The following EEIG1 variants were observed in gnomAD, a reference collection of about 807,000 sequenced individuals.
The protein encoded by EEIG1 is estrogen-induced osteoclastogenesis regulator 1.
chr9:127,943,043 T>C, the EEIG1 span: 3 of 718,104 alleles, frequency 4.2e-6, no homozygotes, highest in East Asian at 2.7e-5. Flanking sequence ...AATGGAATGA[T>C]GCTACGGGGA....
chr9:127,978,320 C>T, the EEIG1 span, among the ~76,000 whole-genome samples: 10 of 152,152 alleles, frequency 6.6e-5, no homozygotes, highest in East Asian at 1.9e-4. Flanking sequence ...CAGACTCCTT[C>T]GAGGTCCCTG....
chr9:127,945,720 C>A, the EEIG1 span: 1 of 1,585,136 alleles, frequency 6.3e-7, no homozygotes, highest in Non-Finnish European at 8.6e-7. The surrounding 1 kb of genome is among the most constrained non-coding windows in gnomAD (Gnocchi z 6.5). Flanking sequence ...CTCCTCAGGG[C>A]TGGACAGGTT....
chr9:127,962,368 A>T, the EEIG1 span, among the ~76,000 whole-genome samples: 2 of 152,198 alleles, frequency 1.3e-5, no homozygotes, highest in African/African-American at 4.8e-5. Context: ...CTTGAACAGA[A>T]AGTATCCATT....
chr9:127,980,005 T>A, the EEIG1 span: 1 of 1,612,622 alleles, frequency 6.2e-7, no homozygotes, highest in South Asian at 1.1e-5. Context: ...GACGACAAGC[T>A]GACAAAATCC....
the EEIG1 span, chr9:127,945,346 G>C: frequency 6.4e-7 from 1 of 1,554,058 alleles, no homozygotes; most frequent in East Asian, 2.3e-5. The surrounding 1 kb of genome is among the most constrained non-coding windows in gnomAD (Gnocchi z 6.5). Context: ...TCTCCAGGGG[G>C]CACCAAGCAG....
At chr9:127,961,222 C>A in the EEIG1 span, among the ~76,000 whole-genome samples, 1 of 152,112 alleles carries the variant, frequency 6.6e-6, no homozygotes, top group Admixed American at 6.5e-5. Flanking sequence ...AGGGCCCACA[C>A]TGCCTCCCCC....
At chr9:127,943,373 G>T in the EEIG1 span, 1 of 797,148 alleles carries the variant, frequency 1.3e-6, no homozygotes, top group Non-Finnish European at 2.1e-6. Flanking sequence ...CTAAAACCGT[G>T]CCCCAGCGAT....
the EEIG1 span, chr9:127,944,583 GC>G: frequency 7.9e-7 from 1 of 1,259,844 alleles, no homozygotes; most frequent in Non-Finnish European, 1.2e-6. Context: ...AGCCCCAGCC[GC>G]CCCGACGACC....
the EEIG1 span, among the ~76,000 whole-genome samples, chr9:127,973,316 T>C: frequency 1.3e-5 from 2 of 152,096 alleles, no homozygotes; most frequent in South Asian, 4.1e-4. The surrounding 1 kb of genome is among the most constrained non-coding windows in gnomAD (Gnocchi z 4.2). Flanking sequence ...TCCCAGGTAC[T>C]GAACAAGCAG....
chr9:127,945,610 AG>A, the EEIG1 span: 1 of 1,563,948 alleles, frequency 6.4e-7, no homozygotes, highest in Admixed American at 1.9e-5. This position sits in a 1 kb window ranked among gnomAD's most constrained non-coding sequence, Gnocchi z 6.5. Flanking sequence ...ATCCCGAGGA[AG>A]GAGGAGGCCA....
chr9:127,943,272 G>A, the EEIG1 span: 29 of 1,608,540 alleles, frequency 1.8e-5, 1 homozygote, highest in South Asian at 2.5e-4. Context: ...TGTCCCCCTC[G>A]ATACCCCATT....
the EEIG1 span, among the ~76,000 whole-genome samples, chr9:127,951,182 C>G: frequency 2.6e-5 from 4 of 152,228 alleles, no homozygotes; most frequent in South Asian, 8.3e-4. Flanking sequence ...TCTGCTAGAC[C>G]TGGAGGGGAA....
chr9:127,962,090 G>C, the EEIG1 span, among the ~76,000 whole-genome samples: 4 of 152,216 alleles, frequency 2.6e-5, no homozygotes, highest in Non-Finnish European at 1.5e-5. Flanking sequence ...GGAGGGGAGG[G>C]AGGGCAAGCT....
At chr9:127,951,677 C>T in the EEIG1 span, among the ~76,000 whole-genome samples, 16 of 151,994 alleles carry the variant, frequency 1.1e-4, no homozygotes, top group African/African-American at 3.6e-4. Flanking sequence ...ATTAGCCGGG[C>T]GAGGTGGCGG....
At chr9:127,978,310 C>T in the EEIG1 span, among the ~76,000 whole-genome samples, 2 of 152,134 alleles carry the variant, frequency 1.3e-5, no homozygotes, top group South Asian at 4.1e-4. Context: ...CAGTTAATAA[C>T]AGACTCCTTC....
the EEIG1 span, chr9:127,980,151 G>C: frequency 6.2e-7 from 1 of 1,609,982 alleles, no homozygotes; most frequent in African/African-American, 1.3e-5. Context: ...CGAGTTCCCT[G>C]AGTCTGAAGC....
chr9:127,970,650 T>C, the EEIG1 span, among the ~76,000 whole-genome samples: 1 of 152,150 alleles, frequency 6.6e-6, no homozygotes, highest in Non-Finnish European at 1.5e-5. Context: ...CTGCCCTTGG[T>C]GGTTCTAAAC....
chr9:127,979,895 C>T, the EEIG1 span: 1 of 1,421,480 alleles, frequency 7.0e-7, no homozygotes, highest in South Asian at 1.4e-5. Context: ...CCCGGATCCT[C>T]CTCACACCGG....
At chr9:127,951,244 C>T in the EEIG1 span, among the ~76,000 whole-genome samples, 2 of 152,176 alleles carry the variant, frequency 1.3e-5, no homozygotes, top group Admixed American at 1.3e-4. Context: ...AAGACATCTC[C>T]GGTTCCCTCT....
Sources: gnomAD v4.1 joint callset for allele counts (sites outside exome capture counted in the v4.1 genomes callset) on GRCh38, gnomAD v4.1.1 for gene constraint, Gnocchi (gnomAD v3.1) non-coding constraint, MANE v1.5 for transcripts, NCBI Gene and HGNC (gene_info 2026-07-23, HGNC 2026-07-21) for gene names.